The following DOCK2 variants were observed in gnomAD, a reference collection of about 807,000 sequenced individuals.
DOCK2 encodes the protein dedicator of cytokinesis 2.
DOCK2 carries 87 observed loss-of-function variants against 248.9 expected under a neutral mutation model. That is an observed-to-expected ratio of 0.35 (90% CI 0.29 to 0.42). The LOEUF (loss-of-function observed/expected upper bound fraction) is 0.42. Ranked by LOEUF, DOCK2 falls within the 10% of genes least tolerant of loss-of-function variation. The pLI, the probability that DOCK2 is intolerant of heterozygous loss-of-function variation, is 1.00. For missense variants in DOCK2, 1,747 were observed against 2,300.2 expected (o/e 0.76, Z 4.92); for synonymous variants, 805 against 821.6 (o/e 0.98, Z 0.35).
chr5:169,795,449 G>A (rs1172534047), intron 25 of DOCK2, among the ~76,000 whole-genome samples: 1 of 152,298 alleles, frequency 6.6e-6, no homozygotes, highest in Non-Finnish European at 1.5e-5. Flanking sequence ...TGATGATTCT[G>A]GGTGTTGTAA....
intron 26 of DOCK2, among the ~76,000 whole-genome samples, chr5:169,823,736 C>G (rs1768641669): frequency 6.6e-6 from 1 of 152,186 alleles, no homozygotes; most frequent in Admixed American, 6.5e-5. Flanking sequence ...TCTCTCACCA[C>G]TCCTATTCAA....
At chr5:169,987,686 G>T (rs73800255) in intron 29 of DOCK2, among the ~76,000 whole-genome samples, 5,493 of 152,250 alleles carry the variant, frequency 0.036, 316 homozygotes, top group African/African-American at 0.13. Flanking sequence ...GAGGCCCCCA[G>T]AAATGATACA....
chr5:170,069,292 G>T, intron 46 of DOCK2, 72 bp downstream of exon 46: 1 of 1,514,074 alleles, frequency 6.6e-7, no homozygotes, highest in Non-Finnish European at 9.1e-7. Context: ...CTTGCCCCAC[G>T]CTAGGCTCTA....
At chr5:170,024,437 G>A (rs1350256715) in intron 33 of DOCK2, among the ~76,000 whole-genome samples, 1 of 124,318 alleles carries the variant, frequency 8.0e-6, no homozygotes, top group Non-Finnish European at 1.6e-5. Flanking sequence ...CTCCTCATTT[G>A]TAACATGGGG....
At chr5:169,891,442 A>G (rs1315008501) in intron 27 of DOCK2, among the ~76,000 whole-genome samples, 1 of 152,244 alleles carries the variant, frequency 6.6e-6, no homozygotes, top group Admixed American at 6.5e-5. Flanking sequence ...TTAAAACTTT[A>G]GATCTTGGGT....
chr5:169,658,851 C>G (rs925784443), intron 2 of DOCK2, among the ~76,000 whole-genome samples: 17 of 150,962 alleles, frequency 1.1e-4, no homozygotes, highest in Non-Finnish European at 2.4e-4. Context: ...TTAAGACTAA[C>G]AAGACTCCAT....
chr5:169,758,706 G>C (rs1764324117), intron 23 of DOCK2, among the ~76,000 whole-genome samples: 1 of 152,164 alleles, frequency 6.6e-6, no homozygotes, highest in Admixed American at 6.5e-5. Flanking sequence ...TGTTTCCCTT[G>C]CAGGGTTGTA....
intron 27 of DOCK2, among the ~76,000 whole-genome samples, chr5:169,851,322 G>A (rs983493392): frequency 2.6e-5 from 4 of 152,006 alleles, no homozygotes; most frequent in Admixed American, 2.0e-4. Flanking sequence ...ATTTTTTCAG[G>A]CAAACTAAAA....
intron 29 of DOCK2, among the ~76,000 whole-genome samples, chr5:169,991,894 G>A (rs1778219612): frequency 1.3e-5 from 2 of 152,196 alleles, no homozygotes; most frequent in African/African-American, 4.8e-5. Flanking sequence ...TATAACAGTA[G>A]CTCCTATTTC....
intron 23 of DOCK2, among the ~76,000 whole-genome samples, chr5:169,748,608 T>A (rs1323154887): frequency 6.6e-6 from 1 of 152,130 alleles, no homozygotes; most frequent in Non-Finnish European, 1.5e-5. Context: ...ATAATCCTGA[T>A]AATTCTAAAA....
intron 27 of DOCK2, among the ~76,000 whole-genome samples, chr5:169,974,005 G>A (rs1033391420): frequency 4.6e-5 from 7 of 152,146 alleles, no homozygotes; most frequent in African/African-American, 1.7e-4. Context: ...AGGTGGTGAG[G>A]TGGACGATCA....
intron 22 of DOCK2, among the ~76,000 whole-genome samples, chr5:169,740,300 T>TA (rs398109667): frequency 1.3e-5 from 2 of 152,096 alleles, no homozygotes; most frequent in East Asian, 3.8e-4. Context: ...CTTTTTTTTT[T>TA]ATTTAGAACT....
intron 44 of DOCK2, among the ~76,000 whole-genome samples, chr5:170,063,632 C>T (rs1427957435): frequency 6.6e-6 from 1 of 152,134 alleles, no homozygotes; most frequent in Non-Finnish European, 1.5e-5. Flanking sequence ...GTGATAAATC[C>T]AGGTCTATCC....
intron 23 of DOCK2, among the ~76,000 whole-genome samples, chr5:169,752,848 C>T (rs1763974406): frequency 6.6e-6 from 1 of 152,098 alleles, no homozygotes; most frequent in Admixed American, 6.6e-5. Context: ...GGGTGGATCA[C>T]AAGGTCTGGA....
At chr5:169,684,548 G>A (rs1359128590) in intron 8 of DOCK2, among the ~76,000 whole-genome samples, 198 bp downstream of exon 8, 1 of 152,232 alleles carries the variant, frequency 6.6e-6, no homozygotes, top group Non-Finnish European at 1.5e-5. Flanking sequence ...TTCCCACAGT[G>A]GAGTTTATGG....
At chr5:169,995,133 A>C (rs1241052699) in intron 29 of DOCK2, among the ~76,000 whole-genome samples, 1 of 150,038 alleles carries the variant, frequency 6.7e-6, no homozygotes, top group Admixed American at 6.7e-5. Context: ...GGTTCAAGGG[A>C]TCCTCATGCC....
chr5:169,718,498 T>C (rs1353142630), intron 21 of DOCK2, among the ~76,000 whole-genome samples, 159 bp from the exon 22 acceptor site: 2 of 152,170 alleles, frequency 1.3e-5, no homozygotes, highest in East Asian at 3.9e-4. Flanking sequence ...CTGTAATAAA[T>C]ATAATTTTTA....
rs147230385 is a variant in DOCK2, at chr5:170,079,134, G to A, written c.5154G>A (p.Ser1718=). ...CGGATGAGAAAGCAGCTGCAGAGTCGGACCTGAAGCGGGTGAGTGGCTGAG... is the reference window on the plus strand; with the variant it reads ...CGGATGAGAAAGCAGCTGCAGAGTCAGACCTGAAGCGGGTGAGTGGCTGAG... ...VFADEKAAAE[S]DLKRLSRKHE... The change falls in exon 49 of 52, where the codon TCG becomes TCA. Residue 1718 remains serine (S), a synonymous_variant. Coordinates refer to ENST00000520908, the MANE Select transcript of DOCK2 (RefSeq NM_004946.3). The A allele has an allele frequency of 9.4e-5, 151 of 1,613,400 alleles. No homozygotes were observed. In the African/African-American group the frequency reaches 1.1e-3, roughly 12 times the overall value.
At chr5:169,695,670 T>G in intron 9 of DOCK2, 133 bp from the exon 10 acceptor site, 1 of 1,279,704 alleles carries the variant, frequency 7.8e-7, no homozygotes, top group Admixed American at 2.6e-5. Context: ...TTTCCAGGAC[T>G]TATTGTATGA....
Sources: allele counts gnomAD v4.1 joint callset (sites outside exome capture counted in the v4.1 genomes callset), GRCh38; gene constraint gnomAD v4.1.1; transcripts MANE v1.5; gene names NCBI Gene and HGNC (gene_info 2026-07-23, HGNC 2026-07-21).